The following RNF170 variants were observed in gnomAD, a reference collection of about 807,000 sequenced individuals.
RNF170 encodes E3 ubiquitin-protein ligase RNF170.
In RNF170, 12 loss-of-function variants were observed where a neutral mutation model predicts 32.7. The observed-to-expected ratio is 0.37, with a 90% CI of 0.24 to 0.60. RNF170 has a LOEUF of 0.60. RNF170 is among the 20% of genes least tolerant of loss of function. The pLI is 0.72. For missense variants in RNF170, 212 were observed against 311.2 expected (o/e 0.68, Z 2.40); for synonymous variants, 91 against 103.6 (o/e 0.88, Z 0.74).
Position 42,856,380 on chromosome 8 carries a change from T to C in RNF170, c.556A>G (p.Arg186Gly). 1 of 1,602,368 alleles carries C rather than the reference T, an allele frequency of 6.2e-7. No individual in the cohort carries two copies. Among genetic ancestry groups the C allele is most frequent in the Non-Finnish European group, 8.5e-7 (1 of 1,177,408 alleles). The change falls in exon 7 of 7, where the codon AGG (arginine) becomes GGG (glycine). Residue 186 changes from arginine (R) to glycine (G), a missense_variant. By Grantham distance (125) the Arg-to-Gly change is moderately radical. Transcript: ENST00000527424. Reference sequence around the variant, plus strand: ...AGGCCCCCGACTGAAAACATTTCCCTGAATGCATGCCTCAGTAAAGTGGGT... The same window carrying C: ...AGGCCCCCGACTGAAAACATTTCCCCGAATGCATGCCTCAGTAAAGTGGGT... ...DLPTLLRHAF[R>G]EMFSVGGLFW...
At chr8:42,873,861 T>A (rs1415313221) in intron 3 of RNF170, 70 bp downstream of exon 3, 1 of 873,728 alleles carries the variant, frequency 1.1e-6, no homozygotes, top group Non-Finnish European at 2.0e-6. Flanking sequence ...AATTTAGTAA[T>A]GTTTTATCAC....
rs1326604418 is a variant in RNF170 at position 42,854,321 on chromosome 8, G to A, written c.*1838C>T. 2 of 1,287,166 alleles carry A rather than the reference G, an allele frequency of 1.6e-6. No individual in the cohort carries two copies. Among genetic ancestry groups the A allele is most frequent in the Non-Finnish European group, 2.0e-6 (2 of 988,678 alleles). 79.7% of individuals were successfully genotyped at this position (1,287,166 alleles called of 1,614,324 possible). A position where few individuals can be genotyped will look rare whatever the true frequency, so the allele number is the denominator to read the frequency against. On this transcript the variant is annotated 3_prime_UTR_variant, in exon 7 of 7. Coordinates refer to ENST00000527424, the MANE Select transcript of RNF170 (RefSeq NM_030954.4). The stretch of plus-strand genomic sequence containing the variant: ...GTCTATCTAAACATTCTATGCAGGA[G>A]TCCTACTAAGAAATTTTGGTGTAAT...
At chr8:42,856,532 G>T in intron 6 of RNF170, 104 bp from the exon 7 acceptor site, 4 of 815,892 alleles carry the variant, frequency 4.9e-6, no homozygotes, top group Non-Finnish European at 7.9e-6. Flanking sequence ...GATGAATTAA[G>T]GAGTTACACA....
At chr8:42,850,952 C>T (rs1276113243), downstream of RNF170, 3 of 1,551,664 alleles carry the variant, frequency 1.9e-6, no homozygotes, top group African/African-American at 1.4e-5. Flanking sequence ...GCAACAGCCT[C>T]TTGATGGGTC....
chr8:42,883,251 C>T (rs1805556597), intron 2 of RNF170, among the ~76,000 whole-genome samples: 1 of 151,988 alleles, frequency 6.6e-6, no homozygotes, highest in Non-Finnish European at 1.5e-5. Context: ...TATTACGCAA[C>T]ATACCCATGT....
At chr8:42,894,721 C>T (rs1806614708) in intron 1 of RNF170, among the ~76,000 whole-genome samples, 2 of 152,112 alleles carry the variant, frequency 1.3e-5, no homozygotes, top group Non-Finnish European at 2.9e-5. Flanking sequence ...CCCGCCACCA[C>T]GCCCGGCTAA....
intron 1 of RNF170, among the ~76,000 whole-genome samples, chr8:42,892,873 G>C (rs1195329156): frequency 1.3e-5 from 2 of 152,174 alleles, no homozygotes; most frequent in Admixed American, 6.5e-5. Flanking sequence ...TGTGATCCCA[G>C]CTACTCGGGA....
At chr8:42,886,697 G>C (rs1237741752) in intron 2 of RNF170, among the ~76,000 whole-genome samples, 1 of 152,132 alleles carries the variant, frequency 6.6e-6, no homozygotes, top group African/African-American at 2.4e-5. Flanking sequence ...AAGGTGCTGG[G>C]ATTACCGGCG....
At chr8:42,850,666 A>T (rs550047363), downstream of RNF170, 73 of 1,037,730 alleles carry the variant, frequency 7.0e-5, 1 homozygote, top group South Asian at 6.9e-4. Flanking sequence ...CAATATGATG[A>T]TGCTGTGCTG....
At chr8:42,861,703 T>C (rs1803675283) in intron 6 of RNF170, 42 bp downstream of exon 6, 2 of 1,429,610 alleles carry the variant, frequency 1.4e-6, no homozygotes, top group Non-Finnish European at 9.9e-7. Context: ...AGAGAAGAAA[T>C]GTGTCTTCCT....
At chr8:42,864,851 C>G (rs1311440644) in intron 5 of RNF170, among the ~76,000 whole-genome samples, 1 of 151,608 alleles carries the variant, frequency 6.6e-6, no homozygotes, top group African/African-American at 2.4e-5. Context: ...TATGCTCAAG[C>G]CTGATTGTCT....
intron 3 of RNF170, among the ~76,000 whole-genome samples, chr8:42,872,573 G>C (rs1372137766): frequency 6.6e-6 from 1 of 152,098 alleles, no homozygotes; most frequent in Non-Finnish European, 1.5e-5. Flanking sequence ...CTCCCAAGTA[G>C]CTGGGACAAC....
intron 2 of RNF170, among the ~76,000 whole-genome samples, chr8:42,876,722 C>T (rs1202191609): frequency 7.2e-6 from 1 of 139,284 alleles, no homozygotes; most frequent in Non-Finnish European, 1.5e-5. Flanking sequence ...TGCCATGGTA[C>T]AAACTCAGCT....
intron 2 of RNF170, among the ~76,000 whole-genome samples, chr8:42,883,917 T>C (rs1379377014): frequency 6.6e-6 from 1 of 152,086 alleles, no homozygotes; most frequent in Non-Finnish European, 1.5e-5. Flanking sequence ...TAATCACGAT[T>C]ATTTCACTGA....
At chr8:42,887,564 T>C (rs569054404) in intron 2 of RNF170, among the ~76,000 whole-genome samples, 164 bp downstream of exon 2, 6 of 152,350 alleles carry the variant, frequency 3.9e-5, no homozygotes, top group Middle Eastern at 3.4e-3. Context: ...ACAGGAAATA[T>C]ATGTTAGCAT....
chr8:42,869,960 G>A, intron 4 of RNF170, 44 bp downstream of exon 4: 1 of 1,363,620 alleles, frequency 7.3e-7, no homozygotes, highest in Non-Finnish European at 1.0e-6. Flanking sequence ...TAGAGGTCTT[G>A]GTCTACACAG....
intron 4 of RNF170, among the ~76,000 whole-genome samples, chr8:42,868,541 T>C (rs749484263): frequency 6.6e-6 from 1 of 152,166 alleles, no homozygotes; most frequent in Non-Finnish European, 1.5e-5. Flanking sequence ...GGATTGAAGA[T>C]AAACCTCGGT....
intron 1 of RNF170, among the ~76,000 whole-genome samples, chr8:42,889,706 A>G (rs913971989): frequency 6.6e-6 from 1 of 152,208 alleles, no homozygotes; most frequent in East Asian, 1.9e-4. Flanking sequence ...TCAAGTAACT[A>G]TTACGAAGGT....
chr8:42,857,974 G>A lies in RNF170; in HGVS notation c.508-1546C>T, dbSNP rs140348488. On this transcript the variant is annotated intron_variant, in intron 6 of 6. Transcript: ENST00000527424. ...TGTTTGAACCCAGGAGACAGAGGTT[G>A]CAGTGAGCCGAGATCGCGCCATTGC... 1.3e-3 allele frequency among the ~76,000 whole-genome samples: 198 copies of A among 152,332 alleles called. 1 individual carries two copies. Among genetic ancestry groups the A allele is most frequent in the African/African-American group, 4.0e-3 (165 of 41,568 alleles).
Sources: allele counts gnomAD v4.1 joint callset (sites outside exome capture counted in the v4.1 genomes callset), GRCh38; gene constraint gnomAD v4.1.1; transcripts MANE v1.5; gene names NCBI Gene and HGNC (gene_info 2026-07-23, HGNC 2026-07-21).